The following SMOC2 variants were observed in gnomAD, a reference collection of about 807,000 sequenced individuals.
The protein encoded by SMOC2 is SPARC-related modular calcium-binding protein 2.
SMOC2 carries 39 observed loss-of-function variants against 61.4 expected under a neutral mutation model. The observed-to-expected ratio is 0.64, with a 90% CI of 0.49 to 0.83. The LOEUF (loss-of-function observed/expected upper bound fraction) is 0.83. Ranked by LOEUF, SMOC2 falls within the 40% of genes least tolerant of loss-of-function variation. The pLI is 0.00. For missense variants in SMOC2, 556 were observed against 592.9 expected, an observed-to-expected ratio of 0.94 and a Z score of 0.65; for synonymous variants, 247 against 239.9, an observed-to-expected ratio of 1.03 and a Z score of -0.27.
chr6:168,491,239 G>A (rs1055215676), intron 1 of SMOC2, among the ~76,000 whole-genome samples: 5 of 152,204 alleles, frequency 3.3e-5, no homozygotes, highest in African/African-American at 1.2e-4. Flanking sequence ...TTTGAACTAT[G>A]AGGATGCAAG....
Position 168,642,991 on chromosome 6 carries a change from C to G in SMOC2, c.908-7690C>G, listed in dbSNP as rs186493053. Among the ~76,000 whole-genome samples the G allele has an allele frequency of 2.3e-3, 344 of 152,308 alleles. 2 individuals are homozygous for G. Among genetic ancestry groups the G allele is most frequent in the African/African-American group, 7.5e-3 (310 of 41,562 alleles). Reference sequence around the variant, plus strand: ...ATGGGCTTGGGGAATGGCATCAAAGCTGTGTTCCACATGTCCATCTCTGTG... The same window carrying G: ...ATGGGCTTGGGGAATGGCATCAAAGGTGTGTTCCACATGTCCATCTCTGTG... On this transcript the variant is annotated intron_variant, in intron 9 of 12. Transcript: ENST00000356284.
chr6:168,568,453 A>G (rs1784594835), intron 7 of SMOC2, among the ~76,000 whole-genome samples: 1 of 152,228 alleles, frequency 6.6e-6, no homozygotes, highest in African/African-American at 2.4e-5. Flanking sequence ...TTGCTGAACA[A>G]ATATTGATAC....
intron 8 of SMOC2, among the ~76,000 whole-genome samples, chr6:168,607,588 T>TGG (rs1785732842): frequency 1.3e-5 from 2 of 151,144 alleles, no homozygotes; most frequent in South Asian, 4.3e-4. Context: ...GAGAGTCGTT[T>TGG]TTTTTTTTTT....
At chr6:168,481,064 CT>C (rs1782196384) in intron 1 of SMOC2, among the ~76,000 whole-genome samples, 1 of 152,070 alleles carries the variant, frequency 6.6e-6, no homozygotes, top group African/African-American at 2.4e-5. Context: ...ACCAGTAAAC[CT>C]TTCCTGTAAG....
At chr6:168,633,908 C>G (rs1340696920) in intron 9 of SMOC2, among the ~76,000 whole-genome samples, 1 of 152,142 alleles carries the variant, frequency 6.6e-6, no homozygotes, top group African/African-American at 2.4e-5. Flanking sequence ...GGTGGTTACC[C>G]CTACACTGCT....
chr6:168,652,276 A>G (rs1001405908), intron 10 of SMOC2, among the ~76,000 whole-genome samples: 8 of 152,158 alleles, frequency 5.3e-5, no homozygotes, highest in Non-Finnish European at 8.8e-5. Flanking sequence ...AGAAATTGGC[A>G]ATGGTGTCGG....
At chr6:168,491,200 T>C (rs1469608560) in intron 1 of SMOC2, among the ~76,000 whole-genome samples, 1 of 152,214 alleles carries the variant, frequency 6.6e-6, no homozygotes, top group Admixed American at 6.5e-5. Flanking sequence ...TGCCGTGTTT[T>C]TGATCTTGGT....
rs11385979 is a variant in SMOC2, at chr6:168,545,258, T to TAAA, written c.511+1596_511+1598dup. Among the ~76,000 whole-genome samples, 92 of 145,468 alleles carry TAAA rather than the reference T, an allele frequency of 6.3e-4. 2 individuals carry two copies. In the South Asian group the frequency reaches 0.018, roughly 29 times the overall value. On this transcript the variant is annotated intron_variant, in intron 5 of 12. Transcript: ENST00000356284. Reference sequence around the variant, plus strand: ...ATTATGATATTTATTGTACCCACTGTAAAAAAAAAAAATCTAGAGGAATTA... The same window carrying TAAA: ...ATTATGATATTTATTGTACCCACTGTAAAAAAAAAAAAAAATCTAGAGGAATTA...
At chr6:168,647,987 T>C (rs959291532) in intron 9 of SMOC2, among the ~76,000 whole-genome samples, 1 of 152,238 alleles carries the variant, frequency 6.6e-6, no homozygotes, top group Admixed American at 6.5e-5. Context: ...TAGTCATGTT[T>C]CGTGATGAAC....
intron 1 of SMOC2, among the ~76,000 whole-genome samples, chr6:168,448,747 C>T (rs1423006315): frequency 6.6e-6 from 1 of 152,110 alleles, no homozygotes; most frequent in African/African-American, 2.4e-5. Context: ...TACATATTTA[C>T]GTTTTAAAGT....
chr6:168,603,311 C>T (rs1383670864), intron 8 of SMOC2, among the ~76,000 whole-genome samples: 2 of 128,680 alleles, frequency 1.6e-5, no homozygotes, highest in East Asian at 2.3e-4. Flanking sequence ...AGCATGAGAA[C>T]AGATTAATAC....
chr6:168,518,765 G>A (rs1429890216), intron 2 of SMOC2, among the ~76,000 whole-genome samples: 1 of 151,226 alleles, frequency 6.6e-6, no homozygotes, highest in Non-Finnish European at 1.5e-5. Context: ...GTGTGTTCAT[G>A]TGCGTGTGTG....
intron 1 of SMOC2, among the ~76,000 whole-genome samples, chr6:168,467,175 A>ACACAC (rs1245367597): frequency 6.6e-6 from 1 of 150,972 alleles, no homozygotes; most frequent in African/African-American, 2.5e-5. Flanking sequence ...ACACACACAC[A>ACACAC]CACACACGTT....
At chr6:168,498,002 T>G (rs1419941116) in intron 1 of SMOC2, among the ~76,000 whole-genome samples, 2 of 152,178 alleles carry the variant, frequency 1.3e-5, no homozygotes, top group Non-Finnish European at 2.9e-5. Context: ...CTCACGGGAC[T>G]GCACAGCCGC....
chr6:168,512,704 G>T (rs1218491039), intron 2 of SMOC2, among the ~76,000 whole-genome samples: 1 of 152,180 alleles, frequency 6.6e-6, no homozygotes, highest in African/African-American at 2.4e-5. Flanking sequence ...CAGACCTCAG[G>T]ATCCATTTCA....
chr6:168,664,688 C>G (rs778026937), intron 12 of SMOC2: 41 of 470,478 alleles, frequency 8.7e-5, no homozygotes, highest in South Asian at 6.2e-4. Flanking sequence ...TGTGTGTTCA[C>G]AAACATGTGT....
At chr6:168,607,181 C>T (rs1395827114) in intron 8 of SMOC2, among the ~76,000 whole-genome samples, 1 of 151,954 alleles carries the variant, frequency 6.6e-6, no homozygotes, top group Non-Finnish European at 1.5e-5. Flanking sequence ...GATTGTCCTC[C>T]TTGGGGGTGG....
chr6:168,571,961 C>T (rs1287165163), intron 7 of SMOC2, among the ~76,000 whole-genome samples: 5 of 13,192 alleles, frequency 3.8e-4, no homozygotes, highest in Non-Finnish European at 6.3e-4. Context: ...ACCAGGGCTG[C>T]GTGCTCCCTG....
intron 2 of SMOC2, among the ~76,000 whole-genome samples, chr6:168,525,170 G>A (rs1039177832): frequency 4.1e-4 from 62 of 152,328 alleles, no homozygotes; most frequent in African/African-American, 1.4e-3. Flanking sequence ...AAGCTATATG[G>A]TGTGATGGTC....
Sources: allele counts gnomAD v4.1 joint callset (sites outside exome capture counted in the v4.1 genomes callset), GRCh38; gene constraint gnomAD v4.1.1; transcripts MANE v1.5; gene names NCBI Gene and HGNC (gene_info 2026-07-23, HGNC 2026-07-21).